The following AHNAK2 variants were observed in gnomAD, a reference collection of about 807,000 sequenced individuals.
AHNAK2 encodes AHNAK nucleoprotein 2, also known as protein AHNAK2.
AHNAK2 carries 18 observed loss-of-function variants against 30.7 expected under a neutral mutation model. The observed-to-expected ratio is 0.59, with a 90% CI of 0.41 to 0.87. The LOEUF (loss-of-function observed/expected upper bound fraction) is 0.87. AHNAK2 is among the 40% of genes least tolerant of loss of function. AHNAK2 has a pLI of 0.00. For synonymous variants in AHNAK2, 3,590 were observed against 3,073.8 expected (o/e 1.17, Z -5.56); for missense variants, 8,604 against 7,373.0 (o/e 1.17, Z -6.11).
chr14:104,956,488 C>T, intron 4 of AHNAK2, 100 bp downstream of exon 4: 2 of 1,223,090 alleles, frequency 1.6e-6, no homozygotes, highest in Non-Finnish European at 2.4e-6. Context: ...ACACTGCCAG[C>T]CTCTTTGCTC....
rs1481497492 is a variant in AHNAK2, at chr14:104,957,644, C to T, written c.84G>A (p.Glu28=). 1 of 1,611,032 alleles carries T rather than the reference C, an allele frequency of 6.2e-7. No individual in the cohort carries two copies. Among genetic ancestry groups the T allele is most frequent in the Non-Finnish European group, 8.5e-7 (1 of 1,179,226 alleles). ...GGTCATCTTCCGTTTCTGCACCTGG[C>T]TCCCCGGGCTGCAGCTGACGGCCGG... The part of the protein sequence containing the change: ...SVSGRQLQPG[E]PGAETEDDHS... Residue 28 remains glutamate, a synonymous_variant, in exon 2 of 7, where the codon GAG becomes GAA. Transcript: ENST00000333244.
Position 104,942,075 on chromosome 14 carries a change from T to G in AHNAK2, c.13376A>C (p.Lys4459Thr). The change falls in exon 7 of 7, where the codon AAA (lysine) becomes ACA (threonine). Residue 4459 changes from lysine (K) to threonine (T), a missense_variant. Lys to Thr is a moderately conservative substitution (Grantham distance 78). Transcript: ENST00000333244. ...LSLADKDVTA[K>T]DSKFKMPKFK... is the part of the protein sequence containing the mutation. Reference sequence around the variant, plus strand: ...CTTGGGCATTTTGAACTTGCTGTCTTTGGCAGTCACGTCCTTGTCAGCCAG... The same window carrying G: ...CTTGGGCATTTTGAACTTGCTGTCTGTGGCAGTCACGTCCTTGTCAGCCAG... The G allele has an allele frequency of 6.2e-7, 1 of 1,612,384 alleles. No individual in the cohort carries two copies.
rs199920544 is a variant in AHNAK2 at position 104,947,382 on chromosome 14, T to A, written c.8069A>T (p.Asp2690Val). 95 of 1,612,160 alleles carry A rather than the reference T, an allele frequency of 5.9e-5. 1 individual carries two copies. The highest frequency in any genetic ancestry group is 8.1e-5 in the African/African-American group (6 of 74,142). ...ADMSLPSMQG[D>V]LKTTDISIQP... The stretch of plus-strand genomic sequence containing the variant: ...AATGCTGATGTCAGTGGTCTTAAGG[T>A]CCCCTTGCATGGAGGGGAGGCTCAT... Residue 2690 changes from aspartate to valine, a missense_variant, in exon 7 of 7, where the codon GAC (aspartate) becomes GTC (valine). Transcript: ENST00000333244.
intron 1 of AHNAK2, among the ~76,000 whole-genome samples, chr14:104,975,166 T>C (rs1316179486): frequency 1.3e-5 from 2 of 151,694 alleles, no homozygotes; most frequent in African/African-American, 2.4e-5. Context: ...CGGATGGGAG[T>C]GGGCACTCAG....
rs1349585817 is a variant in AHNAK2 at position 104,938,201 on chromosome 14, C to T, written c.17250G>A (p.Leu5750=). 1 of 1,613,864 alleles carries T rather than the reference C, an allele frequency of 6.2e-7. No homozygotes were observed. The highest frequency in any genetic ancestry group is 8.5e-7 in the Non-Finnish European group (1 of 1,179,906). ...CCAGCCCAGTGCCCACAGGCCCGATCAGTTCACCCTCTTCCTTCTCTTCAG... is the reference window on the plus strand; with the variant it reads ...CCAGCCCAGTGCCCACAGGCCCGATTAGTTCACCCTCTTCCTTCTCTTCAG... The part of the protein sequence containing the change: ...FSPEEKEEGE[L]IGPVGTGLDS... Residue 5750 remains leucine (L), a synonymous_variant, in exon 7 of 7, where the codon CTG becomes CTA. Transcript: ENST00000333244.
Position 104,946,890 on chromosome 14 carries a change from C to T in AHNAK2, c.8561G>A (p.Gly2854Glu). The change falls in exon 7 of 7, where the codon GGG becomes GAG. Residue 2854 changes from glycine (G) to glutamate (E), a missense_variant. By Grantham distance (98) the Gly-to-Glu change is moderately conservative. Transcript: ENST00000333244. Reference protein sequence around the residue: ...EADGSFPSMQGDLKTTDIRIQ... With the variant: ...EADGSFPSMQEDLKTTDIRIQ... ...GCGGATGTCAGTGGTCTTAAGATCC[C>T]CTTGCATGGAGGGGAAGCTCCCGTC... 1 of 1,612,414 alleles carries T rather than the reference C, an allele frequency of 6.2e-7. No homozygotes were observed. The highest frequency in any genetic ancestry group is 2.2e-5 in the East Asian group (1 of 44,688).
At position 104,950,924 on chromosome 14, in the gene AHNAK2, G is replaced by A; in HGVS notation, c.4527C>T (p.Gly1509=). The change falls in exon 7 of 7, where the codon GGC becomes GGT. Residue 1509 remains glycine (G), a synonymous_variant. Coordinates refer to ENST00000333244, the MANE Select transcript of AHNAK2 (RefSeq NM_138420.4). ...KMPSFGVSAP[G]KSIEASVDVS... ...CATCCACTGAGGCCTCGATGGACTT[G>A]CCTGGGGCAGACACCCCGAACGACG... The A allele has an allele frequency of 6.4e-7, 1 of 1,551,764 alleles. No individual in the cohort carries two copies. Among genetic ancestry groups the A allele is most frequent in the Non-Finnish European group, 8.8e-7 (1 of 1,138,192 alleles).
Position 104,951,747 on chromosome 14 carries a change from T to G in AHNAK2, c.3704A>C (p.His1235Pro), listed in dbSNP as rs200111548. The G allele has an allele frequency of 1.6e-3, 2,012 of 1,229,506 alleles. 636 individuals carry two copies. The highest frequency in any genetic ancestry group is 3.1e-3 in the South Asian group (214 of 69,310). The allele number at this position is 1,229,506 out of a possible 1,614,324, so 76.2% of individuals were successfully genotyped here. ...GQVDVKLLEG[H>P]VPEGAGFKGH... The stretch of plus-strand genomic sequence containing the variant: ...TTTGAAGCCGGCTCCCTCAGGCACG[T>G]GGCCCTCCAGGAGCTTCACGTCCAC... Residue 1235 changes from histidine (H) to proline (P), a missense_variant, in exon 7 of 7, where the codon CAC becomes CCC. His to Pro is a moderately conservative substitution (Grantham distance 77). Coordinates refer to ENST00000333244, the MANE Select transcript of AHNAK2 (RefSeq NM_138420.4).
chr14:104,974,504 G>A (rs553166127), intron 1 of AHNAK2, among the ~76,000 whole-genome samples: 13 of 152,348 alleles, frequency 8.5e-5, no homozygotes, highest in South Asian at 4.1e-4. Context: ...CTTTGCCTCC[G>A]CTTCTTTTTC....
In AHNAK2 at chr14:104,938,047, T is replaced by G. The variant is rs1048257; in HGVS notation, c.*16A>C. 1.9e-6 allele frequency: 3 copies of G among 1,605,710 alleles called. No individual in the cohort carries two copies. The highest frequency in any genetic ancestry group is 1.3e-5 in the African/African-American group (1 of 74,460). On this transcript the variant is annotated 3_prime_UTR_variant, in exon 7 of 7. Transcript: ENST00000333244. ...TTAGTTTTTTGCATCTCTCTTGTAC[T>G]GATGAGCCATACCTCTCAGCCTTCA...
At position 104,951,315 on chromosome 14, in the gene AHNAK2, T is replaced by G. The variant is rs1208155995; in HGVS notation, c.4136A>C (p.Gln1379Pro). The change falls in exon 7 of 7, where the codon CAG becomes CCG. Residue 1379 changes from glutamine to proline, a missense_variant. Transcript: ENST00000333244. ...GAGCTCCAGGTCAGTGGAAGGGGGCTGAATGCTGAGGTCAGTGGTCTTGAG... is the reference window on the plus strand; with the variant it reads ...GAGCTCCAGGTCAGTGGAAGGGGGCGGAATGCTGAGGTCAGTGGTCTTGAG... The part of the protein sequence containing the change: ...GDLKTTDLSI[Q>P]PPSTDLELQA... 9.4e-7 allele frequency: 1 copy of G among 1,067,506 alleles called. No individual in the cohort carries two copies. Among genetic ancestry groups the G allele is most frequent in the Admixed American group, 2.1e-5 (1 of 47,688 alleles). 66.1% of individuals were successfully genotyped at this position (1,067,506 alleles called of 1,614,324 possible). A position where few individuals can be genotyped will look rare whatever the true frequency, so the allele number is the denominator to read the frequency against.
At chr14:104,975,434 C>T (rs906478785) in intron 1 of AHNAK2, among the ~76,000 whole-genome samples, 3 of 152,166 alleles carry the variant, frequency 2.0e-5, no homozygotes, top group South Asian at 2.1e-4. Context: ...GCATCACTGT[C>T]GGTGGCTTCT....
In AHNAK2 at chr14:104,952,241, G is replaced by A. The variant is rs372201405; in HGVS notation, c.3210C>T (p.His1070=). The A allele has an allele frequency of 1.2e-6, 2 of 1,611,722 alleles. No homozygotes were observed. Among genetic ancestry groups the A allele is most frequent in the Non-Finnish European group, 1.7e-6 (2 of 1,179,334 alleles). The change falls in exon 7 of 7, where the codon CAC becomes CAT. Residue 1070 remains histidine, a synonymous_variant. Coordinates refer to ENST00000333244, the MANE Select transcript of AHNAK2 (RefSeq NM_138420.4). ...DQVDVKLPEG[H]LPEGAGLKGH... ...CTTTAAGGCCAGCTCCCTCGGGCAG[G>A]TGGCCCTCCGGGAGCTTCACATCCA...
In AHNAK2 at chr14:104,938,854, T is replaced by C. The variant is rs773602130; in HGVS notation, c.16597A>G (p.Arg5533Gly). Reference sequence around the variant, plus strand: ...TGTTGAGTCATTGTTGTGTACACTCTAGCCTGCGTGTGGGGCTCTGGGATT... The same window carrying C: ...TGTTGAGTCATTGTTGTGTACACTCCAGCCTGCGTGTGGGGCTCTGGGATT... ...VKIPEPHTQARVYTTMTQHSR... is the reference protein window; with the variant it reads ...VKIPEPHTQAGVYTTMTQHSR... The change falls in exon 7 of 7, where the codon AGA (arginine) becomes GGA (glycine). Residue 5533 changes from arginine to glycine, a missense_variant. Coordinates refer to ENST00000333244, the MANE Select transcript of AHNAK2 (RefSeq NM_138420.4). 9.9e-6 allele frequency: 16 copies of C among 1,613,816 alleles called. No homozygotes were observed. The East Asian group carries it at 3.3e-4, about 34-fold the overall frequency.
rs765871263 is a variant in AHNAK2 at position 104,942,100 on chromosome 14, G to A, written c.13351C>T (p.Leu4451=). 7 of 1,613,382 alleles carry A rather than the reference G, an allele frequency of 4.3e-6. No individual in the cohort carries two copies. The highest frequency in any genetic ancestry group is 2.2e-5 in the East Asian group (1 of 44,812). The change falls in exon 7 of 7, where the codon CTG becomes TTG. Residue 4451 remains leucine, a synonymous_variant. Transcript: ENST00000333244. ...TTGGCAGTCACGTCCTTGTCAGCCA[G>A]GGACAGGTCCCCCTCCAGCCGCGTA... ...DSTRLEGDLS[L]ADKDVTAKDS... is the part of the protein sequence containing the mutation.
In AHNAK2 at chr14:104,954,949, G is replaced by A. The variant is rs200934153; in HGVS notation, c.651+8C>T. 8 of 1,608,806 alleles carry A rather than the reference G, an allele frequency of 5.0e-6. No homozygotes were observed. The African/African-American group carries it at 9.3e-5, about 19-fold the overall frequency. On this transcript the variant is annotated splice_region_variant and intron_variant, in intron 6 of 6. Transcript: ENST00000333244. This position sits in a 1 kb window ranked among gnomAD's most constrained non-coding sequence, Gnocchi z 4.3. ...TGGGGCCCTGCCCCCCGGGCATAGT[G>A]GTCTCACCTCCTTCTCCTTGCCCTG...
At chr14:104,973,674 GGCAGGGGTGTGGCTTGA>G (rs1899530355) in intron 1 of AHNAK2, among the ~76,000 whole-genome samples, 3 of 152,198 alleles carry the variant, frequency 2.0e-5, no homozygotes, top group Non-Finnish European at 2.9e-5. Flanking sequence ...GCAGCGTCCA[GGCAGGGGTGTGGCTTGA>G]GATCCCTTTC....
intron 1 of AHNAK2, among the ~76,000 whole-genome samples, chr14:104,974,275 C>T (rs1295130929): frequency 1.3e-5 from 2 of 152,212 alleles, no homozygotes; most frequent in Non-Finnish European, 2.9e-5. Context: ...GCTAAGCTCC[C>T]TTAGCTAACC....
At chr14:104,976,770 C>T (rs546901965) in intron 1 of AHNAK2, among the ~76,000 whole-genome samples, 1 of 151,112 alleles carries the variant, frequency 6.6e-6, no homozygotes, top group Non-Finnish European at 1.5e-5. Flanking sequence ...TCTGGGTGCC[C>T]GTGAGTGAGG....
Sources: gnomAD v4.1 joint callset for allele counts (sites outside exome capture counted in the v4.1 genomes callset) on GRCh38, gnomAD v4.1.1 for gene constraint, Gnocchi (gnomAD v3.1) non-coding constraint, MANE v1.5 for transcripts, NCBI Gene and HGNC (gene_info 2026-07-23, HGNC 2026-07-21) for gene names.